FAM234B: variants seen among roughly 807,000 people sequenced by gnomAD.
FAM234B encodes protein FAM234B.
FAM234B carries 33 observed loss-of-function variants against 69.3 expected under a neutral mutation model. That is an observed-to-expected ratio of 0.48 (90% CI 0.36 to 0.64). FAM234B has a LOEUF of 0.64. Among genes scored for constraint, FAM234B ranks in the 30% least tolerant of loss-of-function variants. FAM234B has a pLI of 0.00. For missense variants in FAM234B, 697 were observed against 769.7 expected (o/e 0.91, Z 1.12); for synonymous variants, 306 against 306.9 (o/e 1.00, Z 0.03).
Position 13,081,980 on chromosome 12 carries a change from CAG to C in FAM234B, c.*1353_*1354del, listed in dbSNP as rs1303610816. 18 of 83,872 alleles carry C rather than the reference CAG, an allele frequency of 2.1e-4. No homozygotes were observed. The highest frequency in any genetic ancestry group is 3.3e-4 in the Non-Finnish European group (15 of 46,070). 5.2% of individuals were successfully genotyped at this position (83,872 alleles called of 1,614,324 possible). ...TTTTTTTTTTTTTTTTTTTTTGAGA[CAG>C]AGTTTTGCTCTTGTCGCCCAGGCTG... On this transcript the variant is annotated 3_prime_UTR_variant, in exon 13 of 13. Coordinates refer to ENST00000197268, the MANE Select transcript of FAM234B (RefSeq NM_020853.2).
rs1591600256 is a variant in FAM234B at position 13,067,371 on chromosome 12, T to C, written c.1142+75T>C. 1.9e-6 allele frequency: 3 copies of C among 1,540,428 alleles called. No homozygotes were observed. In the East Asian group the frequency reaches 6.8e-5, roughly 35 times the overall value. ...CATGCCTTTGAGTCTCTAAGTTTGG[T>C]TGGGCTGGTGAATATGTGGGTAGAG... is the stretch of plus-strand genomic sequence containing the variant. On this transcript the variant is annotated intron_variant, in intron 7 of 12. Transcript: ENST00000197268. The surrounding 1 kb of genome is among the most constrained non-coding windows in gnomAD (Gnocchi z 4.7).
intron 1 of FAM234B, among the ~76,000 whole-genome samples, chr12:13,047,950 T>A (rs1864829589): frequency 6.6e-6 from 1 of 152,216 alleles, no homozygotes; most frequent in Non-Finnish European, 1.5e-5. Context: ...AAAAATATTA[T>A]TAAAGACTTC....
In FAM234B at chr12:13,076,171, T is replaced by G. The variant is rs531875260; in HGVS notation, c.1642+28T>G. ...GAGTCCCAGTGCCAGCGGGAGTCTG[T>G]GTACGCAGATGGTGGGAGAGTATGT... On this transcript the variant is annotated intron_variant, in intron 11 of 12. Transcript: ENST00000197268. 4 of 1,478,632 alleles carry G rather than the reference T, an allele frequency of 2.7e-6. No individual in the cohort carries two copies. In the South Asian group the frequency reaches 4.5e-5, roughly 17 times the overall value. 91.6% of individuals were successfully genotyped at this position (1,478,632 alleles called of 1,614,324 possible).
intron 1 of FAM234B, among the ~76,000 whole-genome samples, chr12:13,053,075 A>G (rs1864892472): frequency 6.6e-6 from 1 of 152,218 alleles, no homozygotes; most frequent in East Asian, 1.9e-4. Context: ...TGAAAGTACT[A>G]TTTTGAATTA....
intron 1 of FAM234B, among the ~76,000 whole-genome samples, chr12:13,047,645 C>T (rs543820949): frequency 1.1e-4 from 16 of 152,308 alleles, no homozygotes; most frequent in African/African-American, 3.8e-4. Context: ...AAAGCAATAG[C>T]TGTGGAAAGC....
At chr12:13,046,779 A>G (rs1864817518) in intron 1 of FAM234B, among the ~76,000 whole-genome samples, 1 of 152,130 alleles carries the variant, frequency 6.6e-6, no homozygotes, top group African/African-American at 2.4e-5. Context: ...CACTGTTTTC[A>G]TGTGTGAGGA....
intron 1 of FAM234B, among the ~76,000 whole-genome samples, chr12:13,048,564 C>T (rs527456677): frequency 7.0e-4 from 106 of 152,222 alleles, no homozygotes; most frequent in African/African-American, 2.4e-3. Context: ...TTCGGTCATG[C>T]ATATATTGGC....
rs1422351880 is a variant in FAM234B at position 13,081,960 on chromosome 12, T to G, written c.*1330T>G. The stretch of plus-strand genomic sequence containing the variant: ...ACCTGGGCTTGTATCTTTTTTTTTT[T>G]TTTTTTTTTTTTTTTGAGACAGAGT... On this transcript the variant is annotated 3_prime_UTR_variant, in exon 13 of 13. Coordinates refer to ENST00000197268, the MANE Select transcript of FAM234B (RefSeq NM_020853.2). 7.0e-6 allele frequency: 1 copy of G among 142,800 alleles called. No homozygotes were observed. The highest frequency in any genetic ancestry group is 2.7e-5 in the African/African-American group (1 of 37,314). 8.8% of individuals were successfully genotyped at this position (142,800 alleles called of 1,614,324 possible). A position where few individuals can be genotyped will look rare whatever the true frequency, so the allele number is the denominator to read the frequency against.
At chr12:13,060,476 C>T (rs916748737) in intron 3 of FAM234B, among the ~76,000 whole-genome samples, 14 of 152,248 alleles carry the variant, frequency 9.2e-5, no homozygotes, top group African/African-American at 2.2e-4. Flanking sequence ...TGGGAAAAGA[C>T]GAGTCAGAGC....
chr12:13,067,306 ACGTCTGT>A lies in FAM234B; in HGVS notation c.1142+12_1142+18del, dbSNP rs771236568. 2.0e-5 allele frequency: 33 copies of A among 1,613,856 alleles called. No homozygotes were observed. In the African/African-American group the frequency reaches 3.3e-4, roughly 16 times the overall value. ...TCATTGATGTTTACAGGTAGGGCAG[ACGTCTGT>A]CCTTGGTCACAGTGAGATCTCTTGT... On this transcript the variant is annotated intron_variant, in intron 7 of 12. Transcript: ENST00000197268. The surrounding 1 kb of genome is among the most constrained non-coding windows in gnomAD (Gnocchi z 4.7).
chr12:13,075,890 TTG>T, intron 10 of FAM234B, 134 bp from the exon 11 acceptor site: 1 of 740,314 alleles, frequency 1.4e-6, no homozygotes, highest in South Asian at 1.5e-5. Flanking sequence ...AAACACATTC[TTG>T]TAGTTAGGAT....
intron 2 of FAM234B, among the ~76,000 whole-genome samples, chr12:13,056,162 A>G (rs1864928935): frequency 6.6e-6 from 1 of 152,180 alleles, no homozygotes; most frequent in African/African-American, 2.4e-5. Flanking sequence ...GTCTGTTGGC[A>G]TTGGTCTTTA....
Position 13,067,178 on chromosome 12 carries a change from C to T in FAM234B, c.1024C>T (p.Arg342Trp), listed in dbSNP as rs759896574. The T allele has an allele frequency of 3.3e-5, 53 of 1,613,876 alleles. No homozygotes were observed. Among genetic ancestry groups the T allele is most frequent in the Middle Eastern group, 1.6e-4 (1 of 6,080 alleles). ...GFGNIQAVAL[R>W]DIFVQAQNRD... ...AGGAAATATACAAGCTGTCGCACTG[C>T]GGGACATTTTTGTTCAGGCCCAAAA... Residue 342 changes from arginine to tryptophan, a missense_variant, in exon 7 of 13, where the codon CGG (arginine) becomes TGG (tryptophan). This residue lies in a region of FAM234B where 380 missense variants were observed against 447.1 expected (regional missense o/e 0.85). Coordinates refer to ENST00000197268, the MANE Select transcript of FAM234B (RefSeq NM_020853.2). This position sits in a 1 kb window ranked among gnomAD's most constrained non-coding sequence, Gnocchi z 4.7.
chr12:13,059,548 G>C (rs1864963761), intron 3 of FAM234B, among the ~76,000 whole-genome samples: 1 of 152,240 alleles, frequency 6.6e-6, no homozygotes, highest in African/African-American at 2.4e-5. Flanking sequence ...CACTACAGTG[G>C]AGTCAAACTG....
intron 6 of FAM234B, 117 bp downstream of exon 6, chr12:13,066,904 TA>T: frequency 2.5e-6 from 3 of 1,181,328 alleles, no homozygotes; most frequent in Non-Finnish European, 2.4e-6. Flanking sequence ...CATAGCCTTC[TA>T]ATGCAGGGGC....
chr12:13,076,375 G>A (rs538601274), intron 11 of FAM234B, among the ~76,000 whole-genome samples: 72 of 152,282 alleles, frequency 4.7e-4, no homozygotes, highest in Non-Finnish European at 2.2e-4. Context: ...GTGAAAGCGC[G>A]TCCCATTCCA....
intron 9 of FAM234B, among the ~76,000 whole-genome samples, chr12:13,070,191 AT>A (rs1865089643): frequency 1.1e-5 from 1 of 93,914 alleles, no homozygotes; most frequent in African/African-American, 5.0e-5. Flanking sequence ...ATATATATAT[AT>A]ATATATATAT....
At chr12:13,072,033 A>G (rs1488065220) in intron 10 of FAM234B, among the ~76,000 whole-genome samples, 3 of 152,204 alleles carry the variant, frequency 2.0e-5, no homozygotes, top group African/African-American at 7.2e-5. Flanking sequence ...GCCTGAGTTC[A>G]ATGAAACACA....
intron 6 of FAM234B, 156 bp from the exon 7 acceptor site, chr12:13,066,999 C>A: frequency 1.0e-6 from 1 of 956,140 alleles, no homozygotes; most frequent in Non-Finnish European, 1.6e-6. Context: ...TTGTCCAGCA[C>A]CCACTTAATC....
Sources: gnomAD v4.1 joint callset for allele counts (sites outside exome capture counted in the v4.1 genomes callset) on GRCh38, gnomAD v4.1.1 for gene constraint, gnomAD v4.1.1 regional missense constraint, Gnocchi (gnomAD v3.1) non-coding constraint, MANE v1.5 for transcripts, NCBI Gene and HGNC (gene_info 2026-07-23, HGNC 2026-07-21) for gene names.